ARL15: variants seen among roughly 807,000 people sequenced by gnomAD.
ARL15 encodes the protein ADP-ribosylation factor-like protein 15.
In ARL15, 19 loss-of-function variants were observed where a neutral mutation model predicts 25.2. The observed-to-expected ratio is 0.75, with a 90% CI of 0.53 to 1.10. The LOEUF (loss-of-function observed/expected upper bound fraction) is 1.10, where lower values mean the gene tolerates loss of function less well. ARL15 is among the 50% of genes least tolerant of loss of function. The pLI, the probability that ARL15 is intolerant of heterozygous loss-of-function variation, is 0.00. For synonymous variants in ARL15, 94 were observed against 86.8 expected (o/e 1.08, Z -0.46); for missense variants, 220 against 246.0 (o/e 0.89, Z 0.71).
chr5:53,970,711 T>C (rs1747724688), intron 4 of ARL15, among the ~76,000 whole-genome samples: 2 of 152,198 alleles, frequency 1.3e-5, no homozygotes, highest in South Asian at 4.1e-4. Context: ...CATTGGGCCC[T>C]GAAAGTTTTC....
At position 54,141,295 on chromosome 5, in the gene ARL15, TAAC is replaced by T. The variant is rs1753774580; in HGVS notation, c.253+13282_253+13284del. On this transcript the variant is annotated intron_variant, in intron 3 of 4. Coordinates refer to ENST00000504924, the MANE Select transcript of ARL15 (RefSeq NM_019087.3). Reference sequence around the variant, plus strand: ...TTTGAAGTGCTTACACATTTAATCTTAACAATTCAGCTATATACGATTACCTAG... The same window carrying T: ...TTTGAAGTGCTTACACATTTAATCTTAATTCAGCTATATACGATTACCTAG... Among the ~76,000 whole-genome samples, 3 of 152,276 alleles carry T rather than the reference TAAC, an allele frequency of 2.0e-5. No homozygotes were observed. The South Asian group carries it at 6.2e-4, about 32-fold the overall frequency.
chr5:54,136,066 T>A (rs26609), intron 3 of ARL15, among the ~76,000 whole-genome samples: 29,299 of 152,090 alleles, frequency 0.19, 3,629 homozygotes, highest in East Asian at 0.68. Context: ...CATCACCTTG[T>A]TATTCAGGTA....
At chr5:54,217,023 C>T (rs1293962416) in intron 1 of ARL15, among the ~76,000 whole-genome samples, 4 of 152,176 alleles carry the variant, frequency 2.6e-5, no homozygotes, top group African/African-American at 9.6e-5. Flanking sequence ...TCTAATCAAT[C>T]ATTTTACAAT....
At chr5:54,121,011 A>C (rs1005113807) in intron 3 of ARL15, among the ~76,000 whole-genome samples, 1 of 152,186 alleles carries the variant, frequency 6.6e-6, no homozygotes, top group African/African-American at 2.4e-5. Context: ...GTTCTAGATT[A>C]AGACAAACTC....
At chr5:53,949,985 A>C (rs1746889784) in intron 4 of ARL15, among the ~76,000 whole-genome samples, 1 of 152,252 alleles carries the variant, frequency 6.6e-6, no homozygotes, top group South Asian at 2.1e-4. Flanking sequence ...GTTCACGTGC[A>C]GATATTTGTT....
At chr5:54,069,622 C>T (rs1644814) in intron 4 of ARL15, among the ~76,000 whole-genome samples, 96,208 of 143,824 alleles carry the variant, frequency 0.67, 32,449 homozygotes, top group African/African-American at 0.77. Context: ...AATATAACAG[C>T]ATTAAAAGAT....
chr5:54,125,067 TTTG>T (rs1299714127), intron 3 of ARL15, among the ~76,000 whole-genome samples: 6 of 150,072 alleles, frequency 4.0e-5, no homozygotes, highest in African/African-American at 1.2e-4. Context: ...AAGCAAGTTT[TTTG>T]TTTTGTTTTG....
At chr5:54,023,514 T>A (rs1749681272) in intron 4 of ARL15, among the ~76,000 whole-genome samples, 1 of 133,112 alleles carries the variant, frequency 7.5e-6, no homozygotes, top group Non-Finnish European at 1.6e-5. Flanking sequence ...TGGTGGTGAT[T>A]ACCCAAATCT....
At chr5:53,948,939 G>A (rs866882812) in intron 4 of ARL15, among the ~76,000 whole-genome samples, 6 of 152,174 alleles carry the variant, frequency 3.9e-5, no homozygotes, top group Middle Eastern at 3.4e-3. Context: ...ACACAGAACC[G>A]CAAATCATTA....
At chr5:53,936,942 A>C (rs73110858) in intron 4 of ARL15, among the ~76,000 whole-genome samples, 5 of 152,228 alleles carry the variant, frequency 3.3e-5, no homozygotes, top group Non-Finnish European at 7.3e-5. Context: ...TCCAAACCAA[A>C]TAAGGATAGA....
intron 1 of ARL15, among the ~76,000 whole-genome samples, chr5:54,177,361 T>C (rs956651222): frequency 2.6e-5 from 4 of 152,154 alleles, no homozygotes; most frequent in East Asian, 3.9e-4. Context: ...GCTGAAATAA[T>C]GGATTAGCTT....
At chr5:54,065,591 A>G (rs1934775179) in intron 4 of ARL15, among the ~76,000 whole-genome samples, 1 of 92,636 alleles carries the variant, frequency 1.1e-5, no homozygotes, top group South Asian at 3.3e-4. Context: ...ACTTGAACCC[A>G]GGAGGTGGGG....
chr5:54,078,616 T>C (rs1014885096), intron 4 of ARL15, among the ~76,000 whole-genome samples: 3 of 152,180 alleles, frequency 2.0e-5, no homozygotes, highest in African/African-American at 7.2e-5. Context: ...GACAGGAGTA[T>C]CCTCCAAAAT....
At chr5:54,293,457 C>G (rs191317750) in intron 1 of ARL15, among the ~76,000 whole-genome samples, 5 of 152,230 alleles carry the variant, frequency 3.3e-5, no homozygotes, top group Admixed American at 1.3e-4. Flanking sequence ...TTGGAAAAAA[C>G]TCCACTGCCT....
At chr5:54,197,187 T>C (rs1755574777) in intron 1 of ARL15, among the ~76,000 whole-genome samples, 1 of 152,124 alleles carries the variant, frequency 6.6e-6, no homozygotes, top group Non-Finnish European at 1.5e-5. Context: ...TCCAAATTGT[T>C]TGAACATCTT....
At chr5:54,114,706 A>G (rs567848113) in intron 3 of ARL15, among the ~76,000 whole-genome samples, 1 of 152,300 alleles carries the variant, frequency 6.6e-6, no homozygotes, top group South Asian at 2.1e-4. Flanking sequence ...TGGGATTTGC[A>G]TGAGTTAGCA....
At chr5:53,920,970 C>T (rs983214037) in intron 4 of ARL15, among the ~76,000 whole-genome samples, 3 of 151,988 alleles carry the variant, frequency 2.0e-5, no homozygotes, top group Admixed American at 1.3e-4. Context: ...ATAAAGTGGC[C>T]CCAAGGACCT....
intron 3 of ARL15, among the ~76,000 whole-genome samples, chr5:54,136,067 T>C (rs1201786544): frequency 1.3e-5 from 2 of 152,178 alleles, no homozygotes; most frequent in African/African-American, 4.8e-5. Flanking sequence ...ATCACCTTGT[T>C]ATTCAGGTAA....
intron 4 of ARL15, among the ~76,000 whole-genome samples, chr5:54,046,422 A>C (rs1399916344): frequency 6.6e-6 from 1 of 152,226 alleles, no homozygotes; most frequent in Non-Finnish European, 1.5e-5. Flanking sequence ...CAGAGGTTGC[A>C]GTGAGCCGAG....
Sources: gnomAD v4.1 joint callset for allele counts (sites outside exome capture counted in the v4.1 genomes callset) on GRCh38, gnomAD v4.1.1 for gene constraint, MANE v1.5 for transcripts, NCBI Gene and HGNC (gene_info 2026-07-23, HGNC 2026-07-21) for gene names.